Variants in TRIM37 observed in about 807,000 individuals in gnomAD.
The protein encoded by TRIM37 is E3 ubiquitin-protein ligase TRIM37.
TRIM37 carries 80 observed loss-of-function variants against 129.8 expected under a neutral mutation model. That is an observed-to-expected ratio of 0.62 (90% CI 0.51 to 0.74). TRIM37 has a LOEUF of 0.74. TRIM37 is among the 30% of genes least tolerant of loss of function. The pLI is 0.00. For missense variants in TRIM37, 1,054 were observed against 1,176.5 expected (o/e 0.90, Z 1.52); for synonymous variants, 389 against 387.1 (o/e 1.00, Z -0.06).
chr17:59,083,569 T>C (rs1302030231), intron 5 of TRIM37, among the ~76,000 whole-genome samples: 14 of 152,034 alleles, frequency 9.2e-5, no homozygotes, highest in Admixed American at 4.6e-4. Context: ...TTGAATTCAA[T>C]TGGAAAAAAT....
chr17:59,034,300 C>G (rs1196444872), intron 17 of TRIM37, among the ~76,000 whole-genome samples: 1 of 152,026 alleles, frequency 6.6e-6, no homozygotes, highest in Non-Finnish European at 1.5e-5. Flanking sequence ...AGCGGTGTCT[C>G]CTGTTTCTCA....
At chr17:58,968,531 T>C in the TRIM37 span, among the ~76,000 whole-genome samples, 1 of 152,174 alleles carries the variant, frequency 6.6e-6, no homozygotes, top group Non-Finnish European at 1.5e-5. Flanking sequence ...GCCTAACAGA[T>C]GAGAAAACTA....
In TRIM37 at chr17:59,083,989, T is replaced by C. The variant is rs1442189619; in HGVS notation, c.369+13A>G. The C allele has an allele frequency of 6.2e-7, 1 of 1,610,808 alleles. No individual in the cohort carries two copies. Among genetic ancestry groups the C allele is most frequent in the Admixed American group, 1.7e-5 (1 of 59,998 alleles). ...CTCTAACTTAAAAAAAATACTGAAT[T>C]TGTTCTGCTCACCATTCCTCCCCAA... On this transcript the variant is annotated intron_variant, in intron 5 of 23. Transcript: ENST00000262294.
Position 59,075,671 on chromosome 17 carries a change from G to T in TRIM37, c.660C>A (p.Ser220=). ...CCTGGTGCTCCACCTCCTGAAGTAA[G>T]GATTCCAAAAGCTCTGTTTCTTGGG... The part of the protein sequence containing the change: ...SLTQETELLE[S]LLQEVEHQLR... Residue 220 remains serine, a synonymous_variant, in exon 8 of 24, where the codon TCC becomes TCA. Transcript: ENST00000262294. 1 of 1,610,788 alleles carries T rather than the reference G, an allele frequency of 6.2e-7. No homozygotes were observed. The highest frequency in any genetic ancestry group is 1.3e-5 in the African/African-American group (1 of 74,848).
rs1567954490 is a variant in TRIM37, at chr17:59,007,206, CTAAAA to C, written c.2695+5117_2695+5121del. Among the ~76,000 whole-genome samples the C allele has an allele frequency of 2.4e-3, 148 of 62,412 alleles. 2 individuals carry two copies. The highest frequency in any genetic ancestry group is 9.6e-3 in the Middle Eastern group (1 of 104). The allele number at this position is 62,412 out of a possible 152,430, so 40.9% of individuals were successfully genotyped here. A position where few individuals can be genotyped will look rare whatever the true frequency, so the allele number is the denominator to read the frequency against. On this transcript the variant is annotated intron_variant, in intron 22 of 23. Coordinates refer to ENST00000262294, the MANE Select transcript of TRIM37 (RefSeq NM_015294.6). ...ACACACACACACACACACACACACACTAAAACCACCCCACCCCCACCCACCCACAC... is the reference window on the plus strand; with the variant it reads ...ACACACACACACACACACACACACACCCACCCCACCCCCACCCACCCACAC...
At chr17:58,985,269 T>G (rs1010881920) in intron 24 of TRIM37, 5 of 152,622 alleles carry the variant, frequency 3.3e-5, no homozygotes, top group Non-Finnish European at 7.3e-5. Flanking sequence ...AATAAAATCC[T>G]GAGATGGACG....
downstream of TRIM37, chr17:58,980,642 C>T (rs762255757): frequency 1.9e-6 from 3 of 1,614,036 alleles, no homozygotes; most frequent in Non-Finnish European, 2.5e-6. This position sits in a 1 kb window ranked among gnomAD's most constrained non-coding sequence, Gnocchi z 4.7. Context: ...TGGAGAGTTT[C>T]CCACTGCTTT....
chr17:59,046,022 A>AAAAATTATCCAC (rs990467157), intron 16 of TRIM37, among the ~76,000 whole-genome samples: 2 of 152,194 alleles, frequency 1.3e-5, no homozygotes, highest in African/African-American at 4.8e-5. Context: ...TCTCAAAAAA[A>AAAAATTATCCAC]AAAAATTATC....
At chr17:59,098,636 A>T (rs2045142406) in intron 2 of TRIM37, among the ~76,000 whole-genome samples, 1 of 150,580 alleles carries the variant, frequency 6.6e-6, no homozygotes. Flanking sequence ...CTGTGCTCCA[A>T]CGTGGGCAAC....
At chr17:59,058,565 G>C (rs1314531356) in intron 12 of TRIM37, among the ~76,000 whole-genome samples, 14 of 152,016 alleles carry the variant, frequency 9.2e-5, no homozygotes. Flanking sequence ...AAAGGAAAAA[G>C]AAAATAAGTA....
At chr17:59,050,339 A>G (rs1389562964) in intron 14 of TRIM37, among the ~76,000 whole-genome samples, 1 of 152,232 alleles carries the variant, frequency 6.6e-6, no homozygotes, top group African/African-American at 2.4e-5. Context: ...GCAGTAACCA[A>G]TGCAAGCACT....
chr17:59,012,934 G>A (rs917124507), intron 21 of TRIM37, among the ~76,000 whole-genome samples: 1 of 151,648 alleles, frequency 6.6e-6, no homozygotes, highest in Non-Finnish European at 1.5e-5. Context: ...ATGAAATGGT[G>A]GATTACATCA....
intron 2 of TRIM37, among the ~76,000 whole-genome samples, chr17:59,092,855 A>G (rs972719026): frequency 8.5e-5 from 13 of 152,214 alleles, no homozygotes; most frequent in African/African-American, 3.1e-4. Flanking sequence ...TTCAGAGCAA[A>G]GAAAATAAAG....
rs927466712 is a variant in TRIM37, at chr17:59,075,747, G to C, written c.617-33C>G. On this transcript the variant is annotated intron_variant, in intron 7 of 23. Coordinates refer to ENST00000262294, the MANE Select transcript of TRIM37 (RefSeq NM_015294.6). ...AAAATAGTGAATCATCAACACTTGG[G>C]TTCATTATTGGTTTAAGAATGAAAT... is the stretch of plus-strand genomic sequence containing the variant. 3 of 1,474,498 alleles carry C rather than the reference G, an allele frequency of 2.0e-6. No homozygotes were observed. The Admixed American group carries it at 5.0e-5, about 25-fold the overall frequency. The allele number at this position is 1,474,498 out of a possible 1,614,324, so 91.3% of individuals were successfully genotyped here. A position where few individuals can be genotyped will look rare whatever the true frequency, so the allele number is the denominator to read the frequency against.
intron 24 of TRIM37, chr17:58,985,185 C>T (rs2031683642): frequency 6.6e-6 from 1 of 152,554 alleles, no homozygotes; most frequent in Admixed American, 6.6e-5. Context: ...AACCACTAGT[C>T]ATTTGTCTTT....
rs185601044 is a variant in TRIM37, at chr17:59,071,367, C to T, written c.685-420G>A. The stretch of plus-strand genomic sequence containing the variant: ...ATGGCGCGATCTCGGCTCACTGCAA[C>T]CTCCGCCTCCTGGGTTCAAGCGATT... On this transcript the variant is annotated intron_variant, in intron 8 of 23. Transcript: ENST00000262294. Among the ~76,000 whole-genome samples, 6 of 149,438 alleles carry T rather than the reference C, an allele frequency of 4.0e-5. No homozygotes were observed. The East Asian group carries it at 1.2e-3, about 30-fold the overall frequency.
intron 9 of TRIM37, among the ~76,000 whole-genome samples, chr17:59,070,185 C>G (rs945784636): frequency 6.6e-6 from 1 of 152,150 alleles, no homozygotes; most frequent in Admixed American, 6.5e-5. Flanking sequence ...TGATTACAAA[C>G]ATGCTTGAAG....
At chr17:59,061,436 T>C (rs538494424) in intron 11 of TRIM37, among the ~76,000 whole-genome samples, 1 of 151,804 alleles carries the variant, frequency 6.6e-6, no homozygotes, top group Non-Finnish European at 1.5e-5. Context: ...TAGAAATGAG[T>C]GAAGCAAAAA....
intron 24 of TRIM37, chr17:58,984,552 C>A (rs2031616563): frequency 6.6e-6 from 1 of 152,600 alleles, no homozygotes; most frequent in East Asian, 1.9e-4. Flanking sequence ...TAATTTGAGA[C>A]CATTTTTCTT....
Sources: allele counts gnomAD v4.1 joint callset (sites outside exome capture counted in the v4.1 genomes callset), GRCh38; gene constraint gnomAD v4.1.1; non-coding constraint Gnocchi (gnomAD v3.1); transcripts MANE v1.5; gene names NCBI Gene and HGNC (gene_info 2026-07-23, HGNC 2026-07-21).